Variants in TIAM1 observed in about 807,000 individuals in gnomAD.
TIAM1 encodes the protein rho guanine nucleotide exchange factor TIAM1.
A neutral mutation model predicts 163.5 loss-of-function variants in TIAM1; 65 were observed. That is an observed-to-expected ratio of 0.40 (90% CI 0.33 to 0.49). The LOEUF (loss-of-function observed/expected upper bound fraction) is 0.49, where lower values mean the gene tolerates loss of function less well. Ranked by LOEUF, TIAM1 falls within the 20% of genes least tolerant of loss-of-function variation. The probability of loss-of-function intolerance (pLI) is 0.77; values close to 1 mark genes in which losing one functional copy is unlikely to be tolerated. For missense variants in TIAM1, 1,789 were observed against 2,044.7 expected (o/e 0.87, Z 2.41); for synonymous variants, 833 against 810.1 (o/e 1.03, Z -0.48).
rs974633659 is a variant in TIAM1, at chr21:31,118,509, A to G, written c.*1859T>C. On this transcript the variant is annotated 3_prime_UTR_variant, in exon 28 of 28. Coordinates refer to ENST00000541036, the MANE Select transcript of TIAM1 (RefSeq NM_001353694.2). ...AAAATAGACCTTCTTTCAGCTTATA[A>G]AAGAAATATATAAGAACTTTTGACA... is the stretch of plus-strand genomic sequence containing the variant. 10 of 451,814 alleles carry G rather than the reference A, an allele frequency of 2.2e-5. No homozygotes were observed. In the East Asian group the frequency reaches 4.9e-4, roughly 22 times the overall value. The allele number at this position is 451,814 out of a possible 1,614,324, so 28.0% of individuals were successfully genotyped here. A position where few individuals can be genotyped will look rare whatever the true frequency, so the allele number is the denominator to read the frequency against.
At chr21:31,533,019 A>G (rs1452653891) in intron 1 of TIAM1, among the ~76,000 whole-genome samples, 2 of 152,242 alleles carry the variant, frequency 1.3e-5, no homozygotes, top group East Asian at 3.9e-4. Context: ...GGAAAACATA[A>G]TTTTAAATTT....
chr21:31,296,170 A>G (rs1397612624), intron 2 of TIAM1, among the ~76,000 whole-genome samples: 1 of 152,212 alleles, frequency 6.6e-6, no homozygotes, highest in Non-Finnish European at 1.5e-5. Flanking sequence ...ATACTATTTA[A>G]TGTATAATCA....
intron 2 of TIAM1, among the ~76,000 whole-genome samples, chr21:31,422,338 G>A (rs1036186334): frequency 6.6e-6 from 1 of 152,178 alleles, no homozygotes; most frequent in South Asian, 2.1e-4. Context: ...AATGCTGAAA[G>A]CTAAAATTAA....
chr21:31,336,088 C>G (rs576918706), intron 2 of TIAM1, among the ~76,000 whole-genome samples: 6 of 152,244 alleles, frequency 3.9e-5, no homozygotes, highest in Admixed American at 1.3e-4. Flanking sequence ...CTTACAATGT[C>G]GGGGGCGCAC....
intron 1 of TIAM1, among the ~76,000 whole-genome samples, chr21:31,501,567 A>C (rs932945709): frequency 2.7e-5 from 4 of 150,714 alleles, no homozygotes; most frequent in Non-Finnish European, 5.9e-5. Flanking sequence ...ACTGGAACCC[A>C]CCAAATCCAT....
chr21:31,504,411 TACA>T (rs1365354616), intron 1 of TIAM1, among the ~76,000 whole-genome samples: 6 of 152,272 alleles, frequency 3.9e-5, no homozygotes, highest in Admixed American at 6.5e-5. Flanking sequence ...AAAAAGAAGG[TACA>T]ACAAGTTCGC....
rs2147012222 is a variant in TIAM1, at chr21:31,317,202, C to T, written c.-189+22041G>A. On this transcript the variant is annotated intron_variant, in intron 2 of 27. Transcript: ENST00000541036. ...GGGCATGGTGGCTCAAGCCTGTACTCCCAGCACTTTGGGAGGCCGAAGAGG... is the reference window on the plus strand; with the variant it reads ...GGGCATGGTGGCTCAAGCCTGTACTTCCAGCACTTTGGGAGGCCGAAGAGG... Among the ~76,000 whole-genome samples, 3 of 152,302 alleles carry T rather than the reference C, an allele frequency of 2.0e-5. 1 individual carries two copies. In the South Asian group the frequency reaches 6.2e-4, roughly 32 times the overall value.
chr21:31,247,424 T>C lies in TIAM1; in HGVS notation c.1412-1764A>G, dbSNP rs142146426. ...TACTATTATTTTTGTAGATATGGGG[T>C]CCCACTGTTGCTCAGGCTGGAGTAC... On this transcript the variant is annotated intron_variant, in intron 5 of 27. Coordinates refer to ENST00000541036, the MANE Select transcript of TIAM1 (RefSeq NM_001353694.2). 7.9e-5 allele frequency among the ~76,000 whole-genome samples: 12 copies of C among 152,208 alleles called. No individual in the cohort carries two copies. In the East Asian group the frequency reaches 2.1e-3, roughly 27 times the overall value.
At chr21:31,546,952 A>G (rs1377821453) in intron 1 of TIAM1, among the ~76,000 whole-genome samples, 1 of 98,718 alleles carries the variant, frequency 1.0e-5, no homozygotes, top group Non-Finnish European at 2.1e-5. Flanking sequence ...CTGTGCCCCA[A>G]AATAGTGGGG....
At chr21:31,210,805 A>G (rs892222327) in intron 10 of TIAM1, among the ~76,000 whole-genome samples, 2 of 149,978 alleles carry the variant, frequency 1.3e-5, no homozygotes, top group Non-Finnish European at 3.0e-5. Context: ...AAAGAAAGAA[A>G]GAAAGAAAGG....
At chr21:31,443,715 C>A (rs188928832) in intron 2 of TIAM1, among the ~76,000 whole-genome samples, 75 of 152,326 alleles carry the variant, frequency 4.9e-4, no homozygotes, top group Non-Finnish European at 8.5e-4. Context: ...AATATAATTT[C>A]TGATGTTTAT....
chr21:31,495,738 G>A (rs1347902502), intron 1 of TIAM1, among the ~76,000 whole-genome samples: 1 of 152,208 alleles, frequency 6.6e-6, no homozygotes, highest in African/African-American at 2.4e-5. Context: ...GGGAGGCCAA[G>A]GCGGGGCGGG....
At chr21:31,199,113 T>A (rs1196446446) in intron 12 of TIAM1, among the ~76,000 whole-genome samples, 4 of 151,858 alleles carry the variant, frequency 2.6e-5, no homozygotes, top group Non-Finnish European at 4.4e-5. Context: ...GATGAGAAGA[T>A]CACCAGATTT....
intron 2 of TIAM1, among the ~76,000 whole-genome samples, chr21:31,402,560 T>G (rs1305265934): frequency 6.6e-6 from 1 of 152,162 alleles, no homozygotes; most frequent in East Asian, 1.9e-4. Flanking sequence ...CATTTTTGCA[T>G]GAGTTCACTT....
intron 2 of TIAM1, among the ~76,000 whole-genome samples, chr21:31,390,874 G>T (rs75909577): frequency 6.6e-6 from 1 of 152,086 alleles, no homozygotes; most frequent in African/African-American, 2.4e-5. Context: ...AGAAAGTGAC[G>T]ACTAGCTTTT....
At chr21:31,432,260 C>G (rs909561354) in intron 2 of TIAM1, among the ~76,000 whole-genome samples, 6 of 152,102 alleles carry the variant, frequency 3.9e-5, no homozygotes. Context: ...GCCACCATGC[C>G]CAGCTAATTT....
At chr21:31,211,088 C>A (rs948077635) in intron 10 of TIAM1, among the ~76,000 whole-genome samples, 2 of 152,132 alleles carry the variant, frequency 1.3e-5, no homozygotes, top group African/African-American at 4.8e-5. Flanking sequence ...GGTCAAAGAA[C>A]TTGACGGATA....
At chr21:31,160,321 G>A (rs2146347674) in intron 16 of TIAM1, 1 of 396,910 alleles carries the variant, frequency 2.5e-6, no homozygotes, top group African/African-American at 2.1e-5. Flanking sequence ...GAGGGTAAAA[G>A]GACAGAATAC....
At chr21:31,199,815 C>A (rs1231170604) in intron 12 of TIAM1, among the ~76,000 whole-genome samples, 1 of 151,812 alleles carries the variant, frequency 6.6e-6, no homozygotes, top group Non-Finnish European at 1.5e-5. Context: ...CAGGCGTGAG[C>A]CACCATGCCT....
Sources: gnomAD v4.1 joint callset for allele counts (sites outside exome capture counted in the v4.1 genomes callset) on GRCh38, gnomAD v4.1.1 for gene constraint, MANE v1.5 for transcripts, NCBI Gene and HGNC (gene_info 2026-07-23, HGNC 2026-07-21) for gene names.